CLMP: variants seen among roughly 807,000 people sequenced by gnomAD.
The protein encoded by CLMP is CXADR-like membrane protein.
Under a neutral mutation model 45.2 loss-of-function variants are expected in CLMP, and 27 were observed. That is an observed-to-expected ratio of 0.60 (90% CI 0.44 to 0.82). The LOEUF is 0.82. CLMP is among the 40% of genes least tolerant of loss of function. CLMP has a pLI of 0.00. For missense variants in CLMP, 403 were observed against 448.4 expected, an observed-to-expected ratio of 0.90 and a Z score of 0.91; for synonymous variants, 167 against 171.4, an observed-to-expected ratio of 0.97 and a Z score of 0.20.
intron 6 of CLMP, among the ~76,000 whole-genome samples, chr11:123,074,173 C>CTT (rs113482011): frequency 0.036 from 4,738 of 130,610 alleles, 183 homozygotes; most frequent in African/African-American, 0.078. Context: ...TATGTACATA[C>CTT]TTTTTTTTTT....
At chr11:123,098,606 G>A (rs562088983) in intron 1 of CLMP, among the ~76,000 whole-genome samples, 2 of 151,898 alleles carry the variant, frequency 1.3e-5, no homozygotes, top group East Asian at 3.9e-4. Flanking sequence ...TGCAATCATG[G>A]CTCATTGCAC....
chr11:123,088,586 C>A (rs1399308024), intron 2 of CLMP, among the ~76,000 whole-genome samples: 1 of 151,886 alleles, frequency 6.6e-6, no homozygotes, highest in Non-Finnish European at 1.5e-5. Context: ...GGTGGGTGAC[C>A]TTTTTGGCCT....
chr11:123,172,752 C>T (rs1861652897), intron 1 of CLMP, among the ~76,000 whole-genome samples: 1 of 152,200 alleles, frequency 6.6e-6, no homozygotes, highest in South Asian at 2.1e-4. Flanking sequence ...TCCCAAAGTG[C>T]TAGGATTACA....
chr11:123,153,025 T>C (rs1307173276), intron 1 of CLMP, among the ~76,000 whole-genome samples: 1 of 152,208 alleles, frequency 6.6e-6, no homozygotes, highest in Non-Finnish European at 1.5e-5. Flanking sequence ...TTATTCTTTT[T>C]TCCTAAAGGT....
chr11:123,092,543 G>A (rs112938964), intron 2 of CLMP, among the ~76,000 whole-genome samples: 10,504 of 151,930 alleles, frequency 0.069, 447 homozygotes, highest in Admixed American at 0.14. Flanking sequence ...TGATCCACCC[G>A]CCTTGGCCTC....
chr11:123,169,010 T>A (rs1861595213), intron 1 of CLMP, among the ~76,000 whole-genome samples: 1 of 151,966 alleles, frequency 6.6e-6, no homozygotes, highest in Admixed American at 6.6e-5. Flanking sequence ...AAGACCACCA[T>A]AAGAGAGGGA....
At chr11:123,162,799 G>C (rs1052956479) in intron 1 of CLMP, among the ~76,000 whole-genome samples, 1 of 151,878 alleles carries the variant, frequency 6.6e-6, no homozygotes, top group Admixed American at 6.6e-5. Context: ...CTGCTTGGGG[G>C]GCTGAGGCAG....
intron 1 of CLMP, among the ~76,000 whole-genome samples, chr11:123,103,263 G>A (rs537522541): frequency 3.3e-5 from 5 of 152,178 alleles, no homozygotes; most frequent in Admixed American, 6.5e-5. Flanking sequence ...ACTTTCCACC[G>A]GACACAAAAA....
intron 1 of CLMP, among the ~76,000 whole-genome samples, chr11:123,164,887 A>T (rs1861537319): frequency 6.6e-6 from 1 of 152,212 alleles, no homozygotes; most frequent in Non-Finnish European, 1.5e-5. Flanking sequence ...AGGAAAAGTG[A>T]CCTTAGAATC....
At chr11:123,118,335 A>G (rs1423730050) in intron 1 of CLMP, among the ~76,000 whole-genome samples, 1 of 152,128 alleles carries the variant, frequency 6.6e-6, no homozygotes, top group South Asian at 2.1e-4. Flanking sequence ...AGGTTTCAAC[A>G]TGTTGGCCAG....
At chr11:123,108,304 A>G (rs909077316) in intron 1 of CLMP, among the ~76,000 whole-genome samples, 3 of 152,292 alleles carry the variant, frequency 2.0e-5, no homozygotes, top group African/African-American at 7.2e-5. Flanking sequence ...ATACAAACAT[A>G]TATTTGGTAC....
intron 1 of CLMP, among the ~76,000 whole-genome samples, chr11:123,099,856 G>A (rs1395155113): frequency 6.6e-6 from 1 of 152,184 alleles, no homozygotes; most frequent in Admixed American, 6.5e-5. Flanking sequence ...GCTTAAGGAA[G>A]AGATAATTTA....
In CLMP at chr11:123,113,626, G is replaced by A. The variant is rs138737486; in HGVS notation, c.29-15674C>T. Among the ~76,000 whole-genome samples the A allele has an allele frequency of 4.6e-5, 7 of 152,282 alleles. No individual in the cohort carries two copies. In the East Asian group the frequency reaches 5.8e-4, roughly 13 times the overall value. On this transcript the variant is annotated intron_variant, in intron 1 of 6. Transcript: ENST00000448775. ...ATCGGAACATCACTGTGGACCCTTC[G>A]TCCTGATAGGTTCTCAAAGTCTGGT... is the stretch of plus-strand genomic sequence containing the variant.
intron 5 of CLMP, among the ~76,000 whole-genome samples, chr11:123,082,547 T>G (rs1401500300): frequency 6.6e-6 from 1 of 152,056 alleles, no homozygotes; most frequent in Non-Finnish European, 1.5e-5. Flanking sequence ...GTGATCTGCC[T>G]GCCTCGGCCT....
chr11:123,185,348 T>G (rs987729417), intron 1 of CLMP, among the ~76,000 whole-genome samples: 2 of 151,930 alleles, frequency 1.3e-5, no homozygotes, highest in Non-Finnish European at 2.9e-5. Flanking sequence ...TCTGTCTTGT[T>G]AAGTGCCAGA....
At chr11:123,136,801 T>G (rs1011825878) in intron 1 of CLMP, among the ~76,000 whole-genome samples, 2 of 151,920 alleles carry the variant, frequency 1.3e-5, no homozygotes, top group African/African-American at 2.4e-5. Flanking sequence ...ACTCCTGAGC[T>G]CACAGGATCC....
rs1364593424 is a variant in CLMP, at chr11:123,083,093, G to A, written c.671C>T (p.Thr224Ile). 1 of 1,614,086 alleles carries A rather than the reference G, an allele frequency of 6.2e-7. No individual in the cohort carries two copies. The part of the protein sequence containing the change: ...AGKESCVVRV[T>I]VQYVQSIGMV... ...CCTCTTTGGATGCTTACACTGTACA[G>A]TTACTCGCACCACACAGCTTTCCTT... Residue 224 changes from threonine (T) to isoleucine (I), a missense_variant, in exon 5 of 7, where the codon ACT (threonine) becomes ATT (isoleucine). Physicochemically the swap from Thr to Ile is moderately conservative, Grantham distance 89. Coordinates refer to ENST00000448775, the MANE Select transcript of CLMP (RefSeq NM_024769.5).
At chr11:123,179,466 T>C (rs2135546740) in intron 1 of CLMP, among the ~76,000 whole-genome samples, 1 of 152,318 alleles carries the variant, frequency 6.6e-6, no homozygotes, top group South Asian at 2.1e-4. Context: ...TGACACTCAT[T>C]ATAACAAATA....
chr11:123,191,534 C>T (rs980907297), intron 1 of CLMP: 6 of 152,282 alleles, frequency 3.9e-5, no homozygotes, highest in African/African-American at 1.2e-4. Context: ...CTAGCACACA[C>T]GATATACAAA....
Sources: gnomAD v4.1 joint callset for allele counts (sites outside exome capture counted in the v4.1 genomes callset) on GRCh38, gnomAD v4.1.1 for gene constraint, MANE v1.5 for transcripts, NCBI Gene and HGNC (gene_info 2026-07-23, HGNC 2026-07-21) for gene names.